NKD1: variants seen among roughly 807,000 people sequenced by gnomAD.
The protein encoded by NKD1 is protein naked cuticle homolog 1.
A neutral mutation model predicts 56.0 loss-of-function variants in NKD1; 21 were observed. The ratio of observed to expected loss-of-function variants is 0.38; its 90% CI spans 0.27 to 0.54. The LOEUF is 0.54. Among genes scored for constraint, NKD1 ranks in the 20% least tolerant of loss-of-function variants. The pLI is 0.82. For missense variants in NKD1, 578 were observed against 642.7 expected (o/e 0.90, Z 1.09); for synonymous variants, 263 against 265.7 (o/e 0.99, Z 0.10).
chr16:50,596,365 T>G (rs1053114034), intron 3 of NKD1, among the ~76,000 whole-genome samples: 2 of 147,452 alleles, frequency 1.4e-5, no homozygotes, highest in Non-Finnish European at 2.9e-5. Context: ...CATTTTTGTA[T>G]GTTTTAGCAT....
chr16:50,560,944 G>C (rs1213562962), intron 3 of NKD1, among the ~76,000 whole-genome samples: 2 of 152,086 alleles, frequency 1.3e-5, no homozygotes, highest in Non-Finnish European at 2.9e-5. Flanking sequence ...GTGGGTCACT[G>C]GTGCAGGCCC....
At chr16:50,589,578 C>A (rs539255436) in intron 3 of NKD1, among the ~76,000 whole-genome samples, 2 of 152,308 alleles carry the variant, frequency 1.3e-5, no homozygotes, top group South Asian at 4.1e-4. Context: ...GTGGAGCCGC[C>A]CCGAGGGTTC....
intron 5 of NKD1, among the ~76,000 whole-genome samples, chr16:50,622,743 A>G (rs1226516568): frequency 6.6e-6 from 1 of 152,046 alleles, no homozygotes; most frequent in African/African-American, 2.4e-5. Flanking sequence ...CCTCTTTCTC[A>G]CCAATGCTGA....
rs1388800549 is a variant in NKD1 at position 50,608,294 on chromosome 16, G to A, written c.193G>A (p.Glu65Lys). 1 of 1,611,994 alleles carries A rather than the reference G, an allele frequency of 6.2e-7. No homozygotes were observed. The highest frequency in any genetic ancestry group is 2.2e-5 in the East Asian group (1 of 44,860). ...LAGTIGRSTRELVGDVLRDTL... is the reference protein window; with the variant it reads ...LAGTIGRSTRKLVGDVLRDTL... The stretch of plus-strand genomic sequence containing the variant: ...ATGCCTCTGCTCTGTCTTCTTGTAG[G>A]AGCTCGTGGGCGACGTGTTGAGAGA... Residue 65 changes from glutamate (E) to lysine (K), a missense_variant and splice_region_variant, in exon 4 of 10, where the codon GAG becomes AAG. Physicochemically the swap from Glu to Lys is moderately conservative, Grantham distance 56. Transcript: ENST00000268459.
At chr16:50,629,981 T>G (rs1261877961) in intron 6 of NKD1, among the ~76,000 whole-genome samples, 1 of 152,124 alleles carries the variant, frequency 6.6e-6, no homozygotes. Flanking sequence ...TTATGGGATT[T>G]TCCTGTTCTC....
chr16:50,631,748 C>T (rs1201463799), intron 8 of NKD1, among the ~76,000 whole-genome samples: 1 of 152,218 alleles, frequency 6.6e-6, no homozygotes, highest in East Asian at 1.9e-4. Flanking sequence ...CATCTCTCCC[C>T]ACCCCTCCAT....
At chr16:50,549,360 C>A (rs576039156) in intron 2 of NKD1, 62 bp from the exon 3 acceptor site, 2 of 1,576,938 alleles carry the variant, frequency 1.3e-6, no homozygotes, top group Non-Finnish European at 8.6e-7. Context: ...TTCTTCCCTC[C>A]GCGGGGGTAA....
At chr16:50,604,737 G>T (rs1396157243) in intron 3 of NKD1, among the ~76,000 whole-genome samples, 3 of 152,222 alleles carry the variant, frequency 2.0e-5, no homozygotes, top group African/African-American at 7.2e-5. Context: ...GCTTCCAGTG[G>T]CGCCGTCGAA....
At position 50,551,078 on chromosome 16, in the gene NKD1, C is replaced by T. The variant is rs1009673721; in HGVS notation, c.192+1523C>T. Among the ~76,000 whole-genome samples, 6 of 152,130 alleles carry T rather than the reference C, an allele frequency of 3.9e-5. No individual in the cohort carries two copies. In the East Asian group the frequency reaches 5.8e-4, roughly 15 times the overall value. On this transcript the variant is annotated intron_variant, in intron 3 of 9. Transcript: ENST00000268459. ...CTTCAAAGCCATAACAAATGTTACCCGCATGTTTTTGGTGGGTCTCCTTGG... is the reference window on the plus strand; with the variant it reads ...CTTCAAAGCCATAACAAATGTTACCTGCATGTTTTTGGTGGGTCTCCTTGG...
intron 3 of NKD1, among the ~76,000 whole-genome samples, chr16:50,561,278 G>T (rs980586832): frequency 1.3e-5 from 2 of 152,038 alleles, no homozygotes; most frequent in East Asian, 3.9e-4. Flanking sequence ...GGAACCCTGA[G>T]CCTGGGGGTG....
chr16:50,615,614 G>C (rs1461502843), intron 4 of NKD1, among the ~76,000 whole-genome samples: 2 of 152,210 alleles, frequency 1.3e-5, no homozygotes, highest in African/African-American at 4.8e-5. Flanking sequence ...AGAGAGACGG[G>C]ACTGAGAGGT....
At position 50,632,522 on chromosome 16, in the gene NKD1, T is replaced by C. The variant is rs1158118267; in HGVS notation, c.823+114T>C. On this transcript the variant is annotated intron_variant, in intron 9 of 9. Coordinates refer to ENST00000268459, the MANE Select transcript of NKD1 (RefSeq NM_033119.5). This position sits in a 1 kb window ranked among gnomAD's most constrained non-coding sequence, Gnocchi z 4.1. The stretch of plus-strand genomic sequence containing the variant: ...ACCCCAGGCTTCGGTAAGACAACTA[T>C]TATGGGACAGGTCAAAGACTTCTTG... The C allele has an allele frequency of 2.0e-6, 2 of 1,004,420 alleles. No homozygotes were observed. The highest frequency in any genetic ancestry group is 1.6e-5 in the African/African-American group (1 of 62,462). The allele number at this position is 1,004,420 out of a possible 1,614,324, so 62.2% of individuals were successfully genotyped here. A position where few individuals can be genotyped will look rare whatever the true frequency, so the allele number is the denominator to read the frequency against.
chr16:50,632,342 A>T lies in NKD1; in HGVS notation c.757A>T (p.Ile253Phe), dbSNP rs1962364793. The change falls in exon 9 of 10, where the codon ATC becomes TTC. Residue 253 changes from isoleucine (I) to phenylalanine (F), a missense_variant. Ile to Phe is a conservative substitution (Grantham distance 21, BLOSUM62 0). Coordinates refer to ENST00000268459, the MANE Select transcript of NKD1 (RefSeq NM_033119.5). This position sits in a 1 kb window ranked among gnomAD's most constrained non-coding sequence, Gnocchi z 4.1. ...CTACCACCATTGCGTAGATGAGAACATCGAGAGGAGAAACCACTACTTAGA... is the reference window on the plus strand; with the variant it reads ...CTACCACCATTGCGTAGATGAGAACTTCGAGAGGAGAAACCACTACTTAGA... ...GCYHHCVDEN[I>F]ERRNHYLDLA... 1 of 1,614,140 alleles carries T rather than the reference A, an allele frequency of 6.2e-7. No individual in the cohort carries two copies. The highest frequency in any genetic ancestry group is 8.5e-7 in the Non-Finnish European group (1 of 1,179,982).
rs749127756 is a variant in NKD1, at chr16:50,638,614, C to T, written c.*4833C>T. On this transcript the variant is annotated 3_prime_UTR_variant, in exon 10 of 10. Coordinates refer to ENST00000268459, the MANE Select transcript of NKD1 (RefSeq NM_033119.5). ...CCACAGTCAGGACCTTTGTGTGGGG[C>T]TCTGATCTGATGTTCGGTCTCATCA... The T allele has an allele frequency of 3.3e-5, 5 of 152,210 alleles. No homozygotes were observed. Among genetic ancestry groups the T allele is most frequent in the African/African-American group, 4.8e-5 (2 of 41,442 alleles). The allele number at this position is 152,210 out of a possible 1,614,324, so 9.4% of individuals were successfully genotyped here. A position where few individuals can be genotyped will look rare whatever the true frequency, so the allele number is the denominator to read the frequency against.
intron 3 of NKD1, chr16:50,553,402 C>T (rs1032248618): frequency 6.6e-6 from 1 of 152,268 alleles, no homozygotes; most frequent in African/African-American, 2.4e-5. Context: ...GGCAAGCCCG[C>T]CTCTGGATCA....
rs117008930 is a variant in NKD1, at chr16:50,609,175, C to T, written c.259+815C>T. 8.4e-3 allele frequency among the ~76,000 whole-genome samples: 1,278 copies of T among 152,314 alleles called. 6 individuals carry two copies. Among genetic ancestry groups the T allele is most frequent in the Non-Finnish European group, 0.014 (924 of 68,012 alleles). ...TGCCGTGTTGTAGAGAGAATCAGGA[C>T]GCTTAAGCGTAGAGGGTCTGCTGGC... is the stretch of plus-strand genomic sequence containing the variant. On this transcript the variant is annotated intron_variant, in intron 4 of 9. Transcript: ENST00000268459.
At chr16:50,605,026 G>A (rs1961675355) in intron 3 of NKD1, among the ~76,000 whole-genome samples, 1 of 152,232 alleles carries the variant, frequency 6.6e-6, no homozygotes, top group Non-Finnish European at 1.5e-5. Context: ...GACCACCTCT[G>A]CTCCCATGCC....
intron 4 of NKD1, among the ~76,000 whole-genome samples, chr16:50,613,893 G>A (rs936935656): frequency 3.3e-5 from 5 of 152,152 alleles, no homozygotes; most frequent in Non-Finnish European, 7.3e-5. Flanking sequence ...AAGCCGAGTG[G>A]CCACCAGCCT....
chr16:50,564,278 T>C (rs537495553), intron 3 of NKD1, among the ~76,000 whole-genome samples: 9 of 152,364 alleles, frequency 5.9e-5, no homozygotes, highest in African/African-American at 1.9e-4. Flanking sequence ...TCTAGCCTTC[T>C]TAACCTTGGA....
Sources: gnomAD v4.1 joint callset for allele counts (sites outside exome capture counted in the v4.1 genomes callset) on GRCh38, gnomAD v4.1.1 for gene constraint, Gnocchi (gnomAD v3.1) non-coding constraint, MANE v1.5 for transcripts, NCBI Gene and HGNC (gene_info 2026-07-23, HGNC 2026-07-21) for gene names.